ZBTB20: variants seen among roughly 807,000 people sequenced by gnomAD.
The protein encoded by ZBTB20 is zinc finger and BTB domain-containing protein 20.
ZBTB20 carries 9 observed loss-of-function variants against 56.9 expected under a neutral mutation model. The observed-to-expected ratio is 0.16, with a 90% CI of 0.10 to 0.28. The LOEUF is 0.28. Among genes scored for constraint, ZBTB20 ranks in the 10% least tolerant of loss-of-function variants. ZBTB20 has a pLI of 1.00. For synonymous variants in ZBTB20, 417 were observed against 420.7 expected (o/e 0.99, Z 0.11); for missense variants, 655 against 1,003.0 (o/e 0.65, Z 4.69).
intron 3 of ZBTB20, among the ~76,000 whole-genome samples, chr3:114,929,814 T>TC (rs1380623660): frequency 1.3e-5 from 2 of 152,202 alleles, no homozygotes; most frequent in African/African-American, 4.8e-5. Context: ...ATCAGGCTAA[T>TC]AACAAGAATA....
chr3:115,028,686 A>G (rs939870087), intron 2 of ZBTB20, among the ~76,000 whole-genome samples: 51 of 150,514 alleles, frequency 3.4e-4, no homozygotes, highest in African/African-American at 1.2e-3. Context: ...TTCCATTAGA[A>G]TATCTACTAA....
chr3:114,981,548 A>G (rs1190273845), intron 2 of ZBTB20, among the ~76,000 whole-genome samples: 1 of 152,070 alleles, frequency 6.6e-6, no homozygotes, highest in African/African-American at 2.4e-5. Context: ...TTTCATCTTT[A>G]CTTCTAAAGA....
chr3:114,634,862 A>G (rs1246401478), intron 6 of ZBTB20, among the ~76,000 whole-genome samples: 1 of 152,100 alleles, frequency 6.6e-6, no homozygotes, highest in African/African-American at 2.4e-5. Context: ...GTCAGTTCCT[A>G]TATTGCCTCA....
At chr3:114,889,854 A>G (rs1027814948) in intron 4 of ZBTB20, among the ~76,000 whole-genome samples, 1 of 152,160 alleles carries the variant, frequency 6.6e-6, no homozygotes, top group Admixed American at 6.5e-5. Flanking sequence ...AGTGGTAGAA[A>G]AAAAAGGATC....
chr3:114,435,499 C>T (rs2090458382), intron 7 of ZBTB20, among the ~76,000 whole-genome samples: 1 of 152,148 alleles, frequency 6.6e-6, no homozygotes, highest in Non-Finnish European at 1.5e-5. Flanking sequence ...CAAATTGGAG[C>T]AGTAGGACAC....
chr3:115,094,843 A>T (rs936465648), intron 1 of ZBTB20, among the ~76,000 whole-genome samples: 1 of 152,084 alleles, frequency 6.6e-6, no homozygotes, highest in Non-Finnish European at 1.5e-5. Flanking sequence ...GAATTTTCCC[A>T]ATAACAAAAA....
chr3:114,593,407 G>A (rs1262993673), intron 6 of ZBTB20, among the ~76,000 whole-genome samples: 1 of 144,304 alleles, frequency 6.9e-6, no homozygotes, highest in East Asian at 2.0e-4. Flanking sequence ...TTTTTGAGAC[G>A]GAGTGTCGCT....
Position 114,325,613 on chromosome 3 carries a change from T to C in ZBTB20, c.*13392A>G, listed in dbSNP as rs890206655. ...ATAGGCAAGAACAACAAGGGGTGAGTAGTGCTAACTTTCTCCGGTAACCTT... is the reference window on the plus strand; with the variant it reads ...ATAGGCAAGAACAACAAGGGGTGAGCAGTGCTAACTTTCTCCGGTAACCTT... On this transcript the variant is annotated 3_prime_UTR_variant, in exon 12 of 12. Coordinates refer to ENST00000675478, the MANE Select transcript of ZBTB20 (RefSeq NM_001348800.3). 2.6e-5 allele frequency: 4 copies of C among 152,014 alleles called. No individual in the cohort carries two copies. The highest frequency in any genetic ancestry group is 9.7e-5 in the African/African-American group (4 of 41,378). The allele number at this position is 152,014 out of a possible 1,614,324, so 9.4% of individuals were successfully genotyped here.
At chr3:114,476,704 G>A (rs963205646) in intron 7 of ZBTB20, among the ~76,000 whole-genome samples, 7 of 152,196 alleles carry the variant, frequency 4.6e-5, no homozygotes, top group African/African-American at 1.2e-4. Context: ...CCTCATGACT[G>A]AATCACCTCT....
chr3:114,825,537 C>G (rs2073480219), intron 4 of ZBTB20, among the ~76,000 whole-genome samples: 1 of 151,854 alleles, frequency 6.6e-6, no homozygotes, highest in Non-Finnish European at 1.5e-5. Flanking sequence ...CATGCAGCCT[C>G]TTTACTCAGA....
intron 1 of ZBTB20, among the ~76,000 whole-genome samples, chr3:115,142,215 A>T (rs867956723): frequency 6.6e-6 from 1 of 152,220 alleles, no homozygotes; most frequent in South Asian, 2.1e-4. Context: ...TTTATCCAGT[A>T]TTGATATGTC....
chr3:114,676,022 A>C (rs1410172989), intron 6 of ZBTB20, among the ~76,000 whole-genome samples: 1 of 152,126 alleles, frequency 6.6e-6, no homozygotes, highest in Non-Finnish European at 1.5e-5. Flanking sequence ...ATAGAGGCAC[A>C]GAGAGATCAG....
At chr3:114,384,830 G>A (rs766184873) in intron 8 of ZBTB20, among the ~76,000 whole-genome samples, 2 of 152,164 alleles carry the variant, frequency 1.3e-5, no homozygotes, top group Non-Finnish European at 2.9e-5. Flanking sequence ...TTGATGATAT[G>A]GTAGGTATTA....
chr3:115,060,642 C>A (rs2081979805), intron 2 of ZBTB20, among the ~76,000 whole-genome samples: 1 of 152,104 alleles, frequency 6.6e-6, no homozygotes, highest in Non-Finnish European at 1.5e-5. Flanking sequence ...AGGCTATTCA[C>A]AAATACTTGC....
intron 10 of ZBTB20, among the ~76,000 whole-genome samples, chr3:114,379,917 C>A (rs989667226): frequency 2.0e-5 from 3 of 152,086 alleles, no homozygotes; most frequent in Admixed American, 2.0e-4. Flanking sequence ...TTATCCAGAT[C>A]AAGAATAAAT....
chr3:114,910,724 A>T (rs993569364), intron 3 of ZBTB20, among the ~76,000 whole-genome samples: 4 of 152,070 alleles, frequency 2.6e-5, no homozygotes, highest in South Asian at 2.1e-4. Context: ...AATGGGCTCA[A>T]AGTCATAAAA....
intron 4 of ZBTB20, among the ~76,000 whole-genome samples, chr3:114,833,055 G>A (rs570732217): frequency 6.6e-6 from 1 of 151,958 alleles, no homozygotes; most frequent in South Asian, 2.1e-4. Flanking sequence ...TATTCTAGAA[G>A]GTAGAAATCC....
intron 2 of ZBTB20, among the ~76,000 whole-genome samples, chr3:114,991,547 G>A (rs1397748817): frequency 6.6e-6 from 1 of 152,110 alleles, no homozygotes; most frequent in African/African-American, 2.4e-5. Context: ...TTTGGAATAA[G>A]TGCGATGTGG....
chr3:114,390,614 C>T (rs2085761577), intron 7 of ZBTB20, among the ~76,000 whole-genome samples: 1 of 152,214 alleles, frequency 6.6e-6, no homozygotes. Context: ...CTACCCCAGT[C>T]CTCCCTGACC....
Sources: gnomAD v4.1 joint callset for allele counts (sites outside exome capture counted in the v4.1 genomes callset) on GRCh38, gnomAD v4.1.1 for gene constraint, MANE v1.5 for transcripts, NCBI Gene and HGNC (gene_info 2026-07-23, HGNC 2026-07-21) for gene names.